EPB41L1: variants seen among roughly 807,000 people sequenced by gnomAD.
EPB41L1 encodes the protein band 4.1-like protein 1.
In EPB41L1, 29 loss-of-function variants were observed where a neutral mutation model predicts 97.8. The observed-to-expected ratio is 0.30, with a 90% CI of 0.22 to 0.40. The LOEUF (loss-of-function observed/expected upper bound fraction) is 0.40. Among genes scored for constraint, EPB41L1 ranks in the 10% least tolerant of loss-of-function variants. The pLI is 1.00. For missense variants in EPB41L1, 812 were observed against 1,162.3 expected, an observed-to-expected ratio of 0.70 and a Z score of 4.38; for synonymous variants, 383 against 459.2, an observed-to-expected ratio of 0.83 and a Z score of 2.12.
intron 2 of EPB41L1, among the ~76,000 whole-genome samples, chr20:36,126,717 C>T (rs1316308245): frequency 6.6e-6 from 1 of 152,204 alleles, no homozygotes; most frequent in African/African-American, 2.4e-5. Flanking sequence ...GACTAGGCAA[C>T]TTTTCAAGAG....
Position 36,221,963 on chromosome 20 carries a change from T to A in EPB41L1, c.2520+19T>A, listed in dbSNP as rs760819621. 2.9e-5 allele frequency: 47 copies of A among 1,612,854 alleles called. No individual in the cohort carries two copies. Among genetic ancestry groups the A allele is most frequent in the Non-Finnish European group, 3.8e-5 (45 of 1,178,984 alleles). ...AGACCAGGTATGGGGGTAGCAACCG[T>A]TCTTCCCAGTGCCACTGCCCAGTCC... On this transcript the variant is annotated intron_variant, in intron 20 of 21. Transcript: ENST00000338074.
chr20:36,179,814 G>C (rs936420099), intron 5 of EPB41L1, among the ~76,000 whole-genome samples: 1 of 152,218 alleles, frequency 6.6e-6, no homozygotes, highest in Non-Finnish European at 1.5e-5. Flanking sequence ...TCTTCCTGAA[G>C]GTTCTGTCAG....
intron 5 of EPB41L1, among the ~76,000 whole-genome samples, chr20:36,178,977 C>T (rs1357691665): frequency 3.3e-5 from 5 of 151,766 alleles, no homozygotes; most frequent in Non-Finnish European, 7.4e-5. Context: ...ACTGGGACTG[C>T]CTCAAGCGAT....
At chr20:36,215,518 T>G (rs995316217) in intron 17 of EPB41L1, among the ~76,000 whole-genome samples, 3 of 152,140 alleles carry the variant, frequency 2.0e-5, no homozygotes, top group African/African-American at 7.2e-5. Flanking sequence ...AGCCAGCAGG[T>G]AGGTTTTGAA....
chr20:36,222,257 T>A, intron 20 of EPB41L1, 21 bp from the exon 21 acceptor site: 1 of 1,591,656 alleles, frequency 6.3e-7, no homozygotes, highest in Non-Finnish European at 8.6e-7. Context: ...GGTTCCTTCC[T>A]TTGCTGTTCT....
chr20:36,194,089 TG>T, intron 11 of EPB41L1, 122 bp from the exon 12 acceptor site: 1 of 1,292,264 alleles, frequency 7.7e-7, no homozygotes, highest in Non-Finnish European at 1.1e-6. Context: ...CTCTGGGCAA[TG>T]GGTGAGGGGT....
chr20:36,123,199 C>A (rs778927717), intron 2 of EPB41L1, among the ~76,000 whole-genome samples: 4 of 151,956 alleles, frequency 2.6e-5, no homozygotes, highest in Admixed American at 2.6e-4. Flanking sequence ...AGGTAGAGAA[C>A]AAGAATACAG....
At chr20:36,154,058 A>G (rs116980883), upstream of EPB41L1, among the ~76,000 whole-genome samples, 27 of 152,232 alleles carry the variant, frequency 1.8e-4, no homozygotes, top group East Asian at 4.3e-3. The surrounding 1 kb of genome is among the most constrained non-coding windows in gnomAD (Gnocchi z 5.5). Context: ...TGTTACACTT[A>G]CTGTCATTGT....
In EPB41L1 at chr20:36,231,848, CCT is replaced by C. The variant is rs2064503206; in HGVS notation, c.*2511_*2512del. 1 of 152,774 alleles carries C rather than the reference CCT, an allele frequency of 6.5e-6. No individual in the cohort carries two copies. Among genetic ancestry groups the C allele is most frequent in the Admixed American group, 6.5e-5 (1 of 15,282 alleles). The allele number at this position is 152,774 out of a possible 1,614,324, so 9.5% of individuals were successfully genotyped here. A position where few individuals can be genotyped will look rare whatever the true frequency, so the allele number is the denominator to read the frequency against. The stretch of plus-strand genomic sequence containing the variant: ...CTTCCTGCCCTTCTTGAGAGTTCCC[CCT>C]CTTTCTGGGTCAAGAGCTGGAGTGG... On this transcript the variant is annotated 3_prime_UTR_variant, in exon 22 of 22. Transcript: ENST00000338074.
rs375772370 is a variant in EPB41L1 at position 36,197,973 on chromosome 20, C to A, written c.1600C>A (p.Arg534=). The A allele has an allele frequency of 2.5e-6, 4 of 1,613,996 alleles. No individual in the cohort carries two copies. The African/African-American group carries it at 5.3e-5, about 22-fold the overall frequency. The change falls in exon 14 of 22, where the codon CGG becomes AGG. Residue 534 remains arginine (R), a synonymous_variant. Coordinates refer to ENST00000338074, the MANE Select transcript of EPB41L1 (RefSeq NM_012156.2). The part of the protein sequence containing the change: ...KLIHRDRDWE[R]ERRLPSSPAS... ...CATCCACCGGGATCGAGACTGGGAA[C>A]GGGAGCGCAGGCTGCCCTCCTCCCC...
rs537421666 is a variant in EPB41L1, at chr20:36,206,547, G to A, written c.1669-2941G>A. The A allele has an allele frequency of 1.1e-4, 137 of 1,289,856 alleles. 3 individuals are homozygous for A. The highest frequency in any genetic ancestry group is 1.1e-5 in the Non-Finnish European group (11 of 988,864). 79.9% of individuals were successfully genotyped at this position (1,289,856 alleles called of 1,614,324 possible). On this transcript the variant is annotated intron_variant, in intron 14 of 21. Coordinates refer to ENST00000338074, the MANE Select transcript of EPB41L1 (RefSeq NM_012156.2). This position sits in a 1 kb window ranked among gnomAD's most constrained non-coding sequence, Gnocchi z 5.5. ...CCCTGGAGGAGAGAAAAGGGCGCCT[G>A]GATGCCCCTCCCGGAGGTGAGCCCA...
At chr20:36,200,385 G>T (rs2062432494) in intron 14 of EPB41L1, among the ~76,000 whole-genome samples, 2 of 152,214 alleles carry the variant, frequency 1.3e-5, no homozygotes, top group Admixed American at 1.3e-4. Context: ...GTGTCATCCA[G>T]AATTCCTAGC....
intron 5 of EPB41L1, among the ~76,000 whole-genome samples, chr20:36,182,010 A>G (rs1281566577): frequency 6.6e-6 from 1 of 152,188 alleles, no homozygotes. Context: ...TTGTAAAGCA[A>G]TTAACAGTGT....
intron 2 of EPB41L1, among the ~76,000 whole-genome samples, chr20:36,117,268 G>A (rs2058615136): frequency 6.6e-6 from 1 of 152,148 alleles, no homozygotes; most frequent in Non-Finnish European, 1.5e-5. Flanking sequence ...GTCTCTGGGG[G>A]ACTCAGGCCT....
chr20:36,192,148 C>T (rs145276995), intron 11 of EPB41L1, among the ~76,000 whole-genome samples: 1,571 of 151,948 alleles, frequency 0.01, 31 homozygotes, highest in African/African-American at 0.036. Flanking sequence ...ATTGCTTGGA[C>T]CTGGGAGGCA....
chr20:36,113,408 T>TTGTGTGTG lies in EPB41L1; in HGVS notation c.-10+968_-10+975dup, dbSNP rs3057822. 3.9e-3 allele frequency among the ~76,000 whole-genome samples: 563 copies of TTGTGTGTG among 143,530 alleles called. 6 individuals are homozygous for TTGTGTGTG. Among genetic ancestry groups the TTGTGTGTG allele is most frequent in the Non-Finnish European group, 3.2e-3 (206 of 64,990 alleles). 94.2% of individuals were successfully genotyped at this position (143,530 alleles called of 152,430 possible). A position where few individuals can be genotyped will look rare whatever the true frequency, so the allele number is the denominator to read the frequency against. ...TTGTACCCCTAGGGAAACTTTCCAT[T>TTGTGTGTG]TGTGTGTGTGTGTGTGTGTGTGTGT... On this transcript the variant is annotated intron_variant, in intron 2 of 19. Transcript: ENST00000202028.
chr20:36,225,083 A>G (rs913844442), intron 21 of EPB41L1, among the ~76,000 whole-genome samples: 5 of 152,220 alleles, frequency 3.3e-5, no homozygotes, highest in African/African-American at 1.2e-4. Flanking sequence ...CGGCCTCCCA[A>G]AGTGCTAGGA....
In EPB41L1 at chr20:36,194,327, G is replaced by A; in HGVS notation, c.1416G>A (p.Glu472=). ...GGQRSEAEEG[E]VRTPTKIKEL... ...AACGGTCAGAGGCTGAGGAGGGAGA[G>A]GTCAGGACTCCAACCAAGATCAAGG... is the stretch of plus-strand genomic sequence containing the variant. The change falls in exon 12 of 22, where the codon GAG becomes GAA. Residue 472 remains glutamate (E), a synonymous_variant. Coordinates refer to ENST00000338074, the MANE Select transcript of EPB41L1 (RefSeq NM_012156.2). 6.2e-7 allele frequency: 1 copy of A among 1,613,792 alleles called. No homozygotes were observed. Among genetic ancestry groups the A allele is most frequent in the African/African-American group, 1.3e-5 (1 of 75,048 alleles).
chr20:36,217,250 T>C (rs2063502085), intron 17 of EPB41L1, among the ~76,000 whole-genome samples: 1 of 152,192 alleles, frequency 6.6e-6, no homozygotes, highest in Non-Finnish European at 1.5e-5. Flanking sequence ...TTTAAAGGCC[T>C]AGGGTCCAAT....
Sources: allele counts gnomAD v4.1 joint callset (sites outside exome capture counted in the v4.1 genomes callset), GRCh38; gene constraint gnomAD v4.1.1; non-coding constraint Gnocchi (gnomAD v3.1); transcripts MANE v1.5; gene names NCBI Gene and HGNC (gene_info 2026-07-23, HGNC 2026-07-21).